ESR1: variants seen among roughly 807,000 people sequenced by gnomAD.
ESR1 encodes the protein estrogen receptor 1, also known as estrogen receptor.
In ESR1, 12 loss-of-function variants were observed where a neutral mutation model predicts 52.7. That is an observed-to-expected ratio of 0.23 (90% confidence interval 0.15 to 0.37). The LOEUF is 0.37. ESR1 is among the 10% of genes least tolerant of loss of function. The pLI is 1.00. For synonymous variants in ESR1, 305 were observed against 316.8 expected, an observed-to-expected ratio of 0.96 and a Z score of 0.39; for missense variants, 584 against 779.7, an observed-to-expected ratio of 0.75 and a Z score of 2.99.
intron 3 of ESR1, among the ~76,000 whole-genome samples, chr6:151,904,854 G>A (rs1797202422): frequency 6.6e-6 from 1 of 152,088 alleles, no homozygotes; most frequent in African/African-American, 2.4e-5. Context: ...TTGGCATTTA[G>A]TACTGGTAAT....
intron 2 of ESR1, among the ~76,000 whole-genome samples, chr6:151,855,976 A>G (rs1452970578): frequency 6.6e-6 from 1 of 152,224 alleles, no homozygotes; most frequent in Non-Finnish European, 1.5e-5. Context: ...AATCGCAATT[A>G]CTTTTGCACC....
chr6:151,842,962 G>C (rs1784533460), intron 2 of ESR1, among the ~76,000 whole-genome samples, 175 bp downstream of exon 2: 1 of 152,150 alleles, frequency 6.6e-6, no homozygotes, highest in South Asian at 2.1e-4. Flanking sequence ...TCAGGAGAAG[G>C]AGTTGACACA....
chr6:151,869,447 GA>G, intron 2 of ESR1, among the ~76,000 whole-genome samples: 1 of 152,170 alleles, frequency 6.6e-6, no homozygotes, highest in East Asian at 1.9e-4. Flanking sequence ...GATGAGCCCT[GA>G]GAAGCATTAC....
At chr6:152,022,160 T>C (rs2043713946) in intron 5 of ESR1, among the ~76,000 whole-genome samples, 1 of 152,152 alleles carries the variant, frequency 6.6e-6, no homozygotes, top group Non-Finnish European at 1.5e-5. Context: ...TGTGTGCAGT[T>C]GGGCCTGTGG....
At chr6:151,837,717 T>C (rs1783597862) in intron 1 of ESR1, among the ~76,000 whole-genome samples, 1 of 152,226 alleles carries the variant, frequency 6.6e-6, no homozygotes, top group Non-Finnish European at 1.5e-5. Flanking sequence ...TCTTAATGTG[T>C]AGCTTGGTAA....
intron 4 of ESR1, among the ~76,000 whole-genome samples, chr6:152,001,492 A>G (rs911406433): frequency 2.6e-5 from 4 of 152,022 alleles, no homozygotes; most frequent in Non-Finnish European, 5.9e-5. Context: ...AACTCTGTAC[A>G]CTGCTACATT....
intron 1 of ESR1, among the ~76,000 whole-genome samples, chr6:151,834,467 A>G (rs895239634): frequency 1.3e-5 from 2 of 152,322 alleles, no homozygotes; most frequent in Non-Finnish European, 2.9e-5. Context: ...CACACACTGC[A>G]TGTTCTCACT....
At chr6:151,962,942 T>C (rs2037839905) in intron 4 of ESR1, among the ~76,000 whole-genome samples, 1 of 152,210 alleles carries the variant, frequency 6.6e-6, no homozygotes, top group Non-Finnish European at 1.5e-5. Context: ...ATGAATAATA[T>C]AAGCATATAG....
At chr6:151,899,018 C>T (rs577085072) in intron 3 of ESR1, among the ~76,000 whole-genome samples, 11 of 150,464 alleles carry the variant, frequency 7.3e-5, no homozygotes, top group South Asian at 4.2e-4. Flanking sequence ...GGCGGCTGGC[C>T]GGGCGGGGGG....
Position 152,102,332 on chromosome 6 carries a change from T to A in ESR1, c.*3366T>A, listed in dbSNP as rs2050987030. 1 of 208,084 alleles carries A rather than the reference T, an allele frequency of 4.8e-6. No homozygotes were observed. Among genetic ancestry groups the A allele is most frequent in the South Asian group, 1.9e-4 (1 of 5,320 alleles). The allele number at this position is 208,084 out of a possible 1,614,324, so 12.9% of individuals were successfully genotyped here. A position where few individuals can be genotyped will look rare whatever the true frequency, so the allele number is the denominator to read the frequency against. The stretch of plus-strand genomic sequence containing the variant: ...ACACTGATTACAAATACTTTCCTAT[T>A]CATACTTTCCAATTATGAGATGGAC... On this transcript the variant is annotated 3_prime_UTR_variant, in exon 8 of 8. Transcript: ENST00000206249.
intron 6 of ESR1, among the ~76,000 whole-genome samples, chr6:152,079,594 T>C (rs892381973): frequency 2.0e-5 from 3 of 152,130 alleles, no homozygotes; most frequent in African/African-American, 4.8e-5. Context: ...CTCCAAAGGA[T>C]TGCAGCTCCT....
intron 3 of ESR1, among the ~76,000 whole-genome samples, chr6:151,886,726 A>G (rs1793905042): frequency 6.6e-6 from 1 of 152,184 alleles, no homozygotes; most frequent in Non-Finnish European, 1.5e-5. Context: ...CTTTAATCCT[A>G]CATTGGCTAT....
chr6:151,781,476 A>G (rs1422097530), intron 2 of ESR1, among the ~76,000 whole-genome samples: 1 of 152,260 alleles, frequency 6.6e-6, no homozygotes, highest in Non-Finnish European at 1.5e-5. Context: ...ACATTTCAAC[A>G]TGAGCTTTGG....
chr6:151,718,900 G>T (rs1256584054), intron 2 of ESR1, among the ~76,000 whole-genome samples: 1 of 151,758 alleles, frequency 6.6e-6, no homozygotes, highest in Non-Finnish European at 1.5e-5. Context: ...TATCTTAGCT[G>T]TTCTTTTCTT....
intron 3 of ESR1, among the ~76,000 whole-genome samples, chr6:151,925,465 G>A (rs1471200416): frequency 6.6e-6 from 1 of 152,070 alleles, no homozygotes; most frequent in Non-Finnish European, 1.5e-5. Context: ...AAATTAGTCG[G>A]ACATGGTGTC....
intron 4 of ESR1, among the ~76,000 whole-genome samples, chr6:151,989,244 T>C (rs1336402911): frequency 6.6e-6 from 1 of 152,122 alleles, no homozygotes; most frequent in Non-Finnish European, 1.5e-5. Flanking sequence ...CAGCATATTC[T>C]CTCTCTCTTG....
intron 6 of ESR1, among the ~76,000 whole-genome samples, chr6:152,065,088 T>C (rs956902992): frequency 6.6e-6 from 1 of 152,154 alleles, no homozygotes; most frequent in Non-Finnish European, 1.5e-5. Context: ...TTTTTCAGTG[T>C]AATGAAGTGT....
At chr6:151,696,728 G>A (rs1184689763) in intron 1 of ESR1, among the ~76,000 whole-genome samples, 1 of 152,124 alleles carries the variant, frequency 6.6e-6, no homozygotes, top group Non-Finnish European at 1.5e-5. Context: ...ACTACAATAT[G>A]TGCCTAAAGC....
chr6:151,977,666 G>A (rs1262702614), intron 4 of ESR1, among the ~76,000 whole-genome samples: 1 of 151,854 alleles, frequency 6.6e-6, no homozygotes, highest in African/African-American at 2.4e-5. Flanking sequence ...GTGGTGGTGG[G>A]TGCCTGTATT....
Sources: gnomAD v4.1 joint callset for allele counts (sites outside exome capture counted in the v4.1 genomes callset) on GRCh38, gnomAD v4.1.1 for gene constraint, MANE v1.5 for transcripts, NCBI Gene and HGNC (gene_info 2026-07-23, HGNC 2026-07-21) for gene names.